NTN1: variants seen among roughly 807,000 people sequenced by gnomAD.
NTN1 encodes netrin 1.
In NTN1, 11 loss-of-function variants were observed where a neutral mutation model predicts 54.2. That is an observed-to-expected ratio of 0.20 (90% CI 0.13 to 0.34). NTN1 has a LOEUF of 0.34. Among genes scored for constraint, NTN1 ranks in the 10% least tolerant of loss-of-function variants. The pLI is 1.00. For synonymous variants in NTN1, 371 were observed against 382.0 expected, an observed-to-expected ratio of 0.97 and a Z score of 0.33; for missense variants, 740 against 893.1, an observed-to-expected ratio of 0.83 and a Z score of 2.18.
At chr17:9,084,414 C>A (rs1204557800) in intron 2 of NTN1, among the ~76,000 whole-genome samples, 2 of 152,328 alleles carry the variant, frequency 1.3e-5, no homozygotes, top group Middle Eastern at 3.4e-3. Context: ...CCCAAAGTGT[C>A]CTCATTCCAG....
chr17:9,152,159 G>A (rs1042079003), intron 2 of NTN1, among the ~76,000 whole-genome samples: 4 of 152,082 alleles, frequency 2.6e-5, no homozygotes, highest in Non-Finnish European at 4.4e-5. Flanking sequence ...CTTTGGGTCC[G>A]TGCCACCTTT....
rs760599601 is a variant in NTN1, at chr17:9,104,142, C to T, written c.1019-58671C>T. 2.2e-4 allele frequency among the ~76,000 whole-genome samples: 32 copies of T among 145,206 alleles called. No homozygotes were observed. The South Asian group carries it at 2.6e-3, about 12-fold the overall frequency. Reference sequence around the variant, plus strand: ...GTACCGTATGATTCCACTTATAGGACGCACCTAGAGTAGTCCAGTTCATAC... The same window carrying T: ...GTACCGTATGATTCCACTTATAGGATGCACCTAGAGTAGTCCAGTTCATAC... On this transcript the variant is annotated intron_variant, in intron 2 of 6. Transcript: ENST00000173229.
intron 2 of NTN1, among the ~76,000 whole-genome samples, chr17:9,025,801 T>C (rs1278294257): frequency 6.6e-6 from 1 of 152,204 alleles, no homozygotes; most frequent in Non-Finnish European, 1.5e-5. Flanking sequence ...GTAGTGGAGA[T>C]ATGTGAATGA....
Position 9,221,739 on chromosome 17 carries a change from C to T in NTN1, c.1486+497C>T, listed in dbSNP as rs1018612410. Among the ~76,000 whole-genome samples, 5 of 152,172 alleles carry T rather than the reference C, an allele frequency of 3.3e-5. No homozygotes were observed. The highest frequency in any genetic ancestry group is 1.3e-4 in the Admixed American group (2 of 15,290). On this transcript the variant is annotated intron_variant, in intron 6 of 6. Coordinates refer to ENST00000173229, the MANE Select transcript of NTN1 (RefSeq NM_004822.3). This position sits in a 1 kb window ranked among gnomAD's most constrained non-coding sequence, Gnocchi z 4.5. Reference sequence around the variant, plus strand: ...CGGCTCACCACTCATTCCCATGCACCGGAAGTTCCGCTGCCCAGACCCATG... The same window carrying T: ...CGGCTCACCACTCATTCCCATGCACTGGAAGTTCCGCTGCCCAGACCCATG...
At chr17:9,140,807 C>A (rs1295021043) in intron 2 of NTN1, among the ~76,000 whole-genome samples, 1 of 152,222 alleles carries the variant, frequency 6.6e-6, no homozygotes, top group African/African-American at 2.4e-5. Flanking sequence ...CACCGGCCAG[C>A]TCTCAGGCAG....
intron 2 of NTN1, among the ~76,000 whole-genome samples, chr17:9,162,548 A>G (rs2092359907): frequency 6.6e-6 from 1 of 152,216 alleles, no homozygotes; most frequent in African/African-American, 2.4e-5. Flanking sequence ...GTCTCCAAAT[A>G]TGGTCACATT....
chr17:9,169,905 A>G (rs2092382984), intron 3 of NTN1, among the ~76,000 whole-genome samples: 1 of 152,226 alleles, frequency 6.6e-6, no homozygotes, highest in South Asian at 2.1e-4. Context: ...GAGGATCTCC[A>G]GGGGTTCCTG....
chr17:9,065,029 C>T (rs555585857), intron 2 of NTN1, among the ~76,000 whole-genome samples: 13 of 152,286 alleles, frequency 8.5e-5, no homozygotes, highest in South Asian at 6.2e-4. Context: ...CTCCACTTCC[C>T]GGGTTCAAAC....
intron 6 of NTN1, among the ~76,000 whole-genome samples, chr17:9,223,012 G>A (rs1451183911): frequency 6.6e-6 from 1 of 152,158 alleles, no homozygotes; most frequent in Non-Finnish European, 1.5e-5. Flanking sequence ...GTGAAGAAGA[G>A]CAGCTGGCAG....
At chr17:9,192,504 G>A (rs1904489194) in intron 5 of NTN1, among the ~76,000 whole-genome samples, 2 of 152,260 alleles carry the variant, frequency 1.3e-5, no homozygotes, top group East Asian at 3.9e-4. Flanking sequence ...GCTATTGTAT[G>A]TCTGGAGATA....
At chr17:9,160,546 C>A (rs1202193464) in intron 2 of NTN1, among the ~76,000 whole-genome samples, 1 of 152,182 alleles carries the variant, frequency 6.6e-6, no homozygotes, top group Non-Finnish European at 1.5e-5. Flanking sequence ...CACAACTGAA[C>A]AAATGTTAAT....
chr17:9,003,922 C>G, the NTN1 span, among the ~76,000 whole-genome samples: 1 of 152,166 alleles, frequency 6.6e-6, no homozygotes, highest in Non-Finnish European at 1.5e-5. This position sits in a 1 kb window ranked among gnomAD's most constrained non-coding sequence, Gnocchi z 7.4. Context: ...TTCCATACAG[C>G]TCCGGCCCGC....
At chr17:9,183,672 C>G in intron 5 of NTN1, 2 of 201,874 alleles carry the variant, frequency 9.9e-6, no homozygotes, top group Non-Finnish European at 2.0e-5. Context: ...CGTAACGTAA[C>G]CATACCATCA....
rs112004175 is a variant in NTN1 at position 9,182,739 on chromosome 17, C to T, written c.1358-177C>T. ...GAAAAACGCCACGTGCCCAGGATGC[C>T]GCTGCCAGCTTCTGCTCTTCTGACT... On this transcript the variant is annotated intron_variant, in intron 4 of 6. Transcript: ENST00000173229. 6.6e-5 allele frequency among the ~76,000 whole-genome samples: 10 copies of T among 152,310 alleles called. 1 individual carries two copies. The South Asian group carries it at 8.3e-4, about 13-fold the overall frequency.
At chr17:9,138,455 C>T (rs753581145) in intron 2 of NTN1, among the ~76,000 whole-genome samples, 13 of 152,080 alleles carry the variant, frequency 8.5e-5, no homozygotes, top group African/African-American at 1.2e-4. Flanking sequence ...CTGCAGGGCT[C>T]GGTGGCTGGA....
At chr17:9,058,637 C>CAAAAAAAAAAAAAAAAAAAAAAAAAAA (rs3053457) in intron 2 of NTN1, among the ~76,000 whole-genome samples, 2 of 58,906 alleles carry the variant, frequency 3.4e-5, no homozygotes. Context: ...GGTAGGCACT[C>CAAAAAAAAAAAAAAAAAAAAAAAAAAA]AAAAAAAAAA....
intron 2 of NTN1, among the ~76,000 whole-genome samples, chr17:9,133,476 C>T (rs865981590): frequency 4.4e-4 from 67 of 152,334 alleles, no homozygotes; most frequent in African/African-American, 1.3e-3. Context: ...GGTGTCTACA[C>T]CTGTAACGAC....
At chr17:9,227,487 A>G (rs57785525) in intron 6 of NTN1, among the ~76,000 whole-genome samples, 11,585 of 140,182 alleles carry the variant, frequency 0.083, 675 homozygotes, top group East Asian at 0.24. Context: ...CATAGCACAC[A>G]CACATGCACA....
upstream of NTN1, among the ~76,000 whole-genome samples, chr17:9,016,734 A>G (rs1449089039): frequency 2.6e-5 from 4 of 151,998 alleles, no homozygotes; most frequent in Non-Finnish European, 5.9e-5. Context: ...CCATCATATC[A>G]GCCACCCACT....
Sources: gnomAD v4.1 joint callset for allele counts (sites outside exome capture counted in the v4.1 genomes callset) on GRCh38, gnomAD v4.1.1 for gene constraint, Gnocchi (gnomAD v3.1) non-coding constraint, MANE v1.5 for transcripts, NCBI Gene and HGNC (gene_info 2026-07-23, HGNC 2026-07-21) for gene names.